The following BCOR variants were observed in gnomAD, a reference collection of about 807,000 sequenced individuals.
The protein encoded by BCOR is BCL6 corepressor.
In BCOR, 10 loss-of-function variants were observed where a neutral mutation model predicts 86.7. That is an observed-to-expected ratio of 0.12 (90% CI 0.07 to 0.20). The LOEUF (loss-of-function observed/expected upper bound fraction) is 0.20, where lower values mean the gene tolerates loss of function less well. BCOR is among the 10% of genes least tolerant of loss of function. BCOR has a pLI of 1.00. For synonymous variants in BCOR, 611 were observed against 609.0 expected (o/e 1.00, Z -0.05); for missense variants, 1,259 against 1,452.1 (o/e 0.87, Z 2.16).
Position 40,052,405 on chromosome X carries a change from A to C in BCOR, c.4977-5T>G. The C allele has an allele frequency of 6.6e-6, 8 of 1,208,682 alleles. No individual in the cohort carries two copies. Among genetic ancestry groups the C allele is most frequent in the Non-Finnish European group, 9.0e-6 (8 of 892,932 alleles). On this transcript the variant is annotated splice_polypyrimidine_tract_variant and splice_region_variant and intron_variant, in intron 14 of 14. Coordinates refer to ENST00000378444, the MANE Select transcript of BCOR (RefSeq NM_001123385.2). ...AGCAGTAGCCAGTTTCGTGGCCTACAAAACAGAAAGGAAAATGCTTTGAGT... is the reference window on the plus strand; with the variant it reads ...AGCAGTAGCCAGTTTCGTGGCCTACCAAACAGAAAGGAAAATGCTTTGAGT...
intron 6 of BCOR, among the ~76,000 whole-genome samples, chrX:40,067,075 G>T (rs987346109): frequency 8.1e-5 from 9 of 111,760 alleles, no homozygotes; most frequent in African/African-American, 2.9e-4. Flanking sequence ...CTTTCTCAGG[G>T]AGAAAGTTTT....
At chrX:40,165,248 T>C (rs929208321) in intron 1 of BCOR, among the ~76,000 whole-genome samples, 1 of 111,229 alleles carries the variant, frequency 9.0e-6, no homozygotes, top group Non-Finnish European at 1.9e-5. Flanking sequence ...CCAGAAGGAA[T>C]AGCAAAGAGA....
At chrX:40,115,776 CAAAA>C (rs745934686) in intron 1 of BCOR, among the ~76,000 whole-genome samples, 1 of 51,120 alleles carries the variant, frequency 2.0e-5, no homozygotes. Flanking sequence ...GACTGTGTCT[CAAAA>C]AAAAAAAAAA....
chrX:40,081,574 G>A (rs988781151), intron 1 of BCOR, among the ~76,000 whole-genome samples: 35 of 111,927 alleles, frequency 3.1e-4, no homozygotes, highest in Non-Finnish European at 4.3e-4. Context: ...GATGAAGCTC[G>A]TTTGCTTTTA....
chrX:40,080,911 AG>A (rs1227389892), intron 1 of BCOR, among the ~76,000 whole-genome samples: 2 of 104,240 alleles, frequency 1.9e-5, no homozygotes, highest in African/African-American at 7.0e-5. Context: ...TAAAAGCAAA[AG>A]GGGGGAACAC....
chrX:40,062,419 C>T (rs1472240741), intron 9 of BCOR, 26 bp from the exon 10 acceptor site: 5 of 1,189,625 alleles, frequency 4.2e-6, no homozygotes, highest in South Asian at 1.8e-5. Context: ...GCAGCGCACA[C>T]GGTTAAGCCC....
At position 40,074,240 on chromosome X, in the gene BCOR, G is replaced by A. The variant is rs2147252234; in HGVS notation, c.1106C>T (p.Ser369Leu). ...KHYARISTSP[S>L]VALSKPYMTV... ...CATGTATGGCTTTGACAGGGCAACT[G>A]AAGGAGAGGTGGAGATCCTGGCATA... The change falls in exon 4 of 15, where the codon TCA becomes TTA. Residue 369 changes from serine to leucine, a missense_variant. Ser to Leu is a moderately radical substitution (Grantham distance 145). Coordinates refer to ENST00000378444, the MANE Select transcript of BCOR (RefSeq NM_001123385.2). 8.2e-7 allele frequency: 1 copy of A among 1,212,271 alleles called. No individual in the cohort carries two copies. The highest frequency in any genetic ancestry group is 1.1e-6 in the Non-Finnish European group (1 of 895,587).
chrX:40,072,061 G>T lies in BCOR; in HGVS notation c.2997+288C>A, dbSNP rs769898078. On this transcript the variant is annotated intron_variant, in intron 4 of 14. Coordinates refer to ENST00000378444, the MANE Select transcript of BCOR (RefSeq NM_001123385.2). ...GCAGAGAAATCAAAGCAATTGATAGGTAAACGTCATGCAGTCTTTAGATAC... is the reference window on the plus strand; with the variant it reads ...GCAGAGAAATCAAAGCAATTGATAGTTAAACGTCATGCAGTCTTTAGATAC... 7.3e-6 allele frequency: 3 copies of T among 411,471 alleles called. No individual in the cohort carries two copies. In the South Asian group the frequency reaches 1.1e-4, roughly 15 times the overall value. 33.9% of individuals were successfully genotyped at this position (411,471 alleles called of 1,213,427 possible).
chrX:40,091,833 AAC>A (rs1386417919), intron 1 of BCOR, among the ~76,000 whole-genome samples: 1 of 112,803 alleles, frequency 8.9e-6, no homozygotes, highest in Non-Finnish European at 1.9e-5. Context: ...GTCGGCCATA[AAC>A]ACTGGCAAAG....
At chrX:40,082,066 C>G (rs758632898) in intron 1 of BCOR, among the ~76,000 whole-genome samples, 2 of 112,492 alleles carry the variant, frequency 1.8e-5, no homozygotes, top group Admixed American at 9.3e-5. Context: ...GAGCTTGGCC[C>G]GGACACGGGG....
intron 1 of BCOR, among the ~76,000 whole-genome samples, chrX:40,144,122 AT>A (rs1555937261): frequency 0.03 from 1 of 33 alleles, no homozygotes; most frequent in Non-Finnish European, 0.053. Flanking sequence ...AGACTGCAGT[AT>A]CAGGTGGCAG....
At position 40,063,622 on chromosome X, in the gene BCOR, C is replaced by G. The variant is rs1381182530; in HGVS notation, c.3833G>C (p.Ser1278Thr). Residue 1278 changes from serine (S) to threonine (T), a missense_variant, in exon 8 of 15, where the codon AGT becomes ACT. This residue lies in a region of BCOR where 305 missense variants were observed against 286.1 expected (regional missense o/e 1.07). Coordinates refer to ENST00000378444, the MANE Select transcript of BCOR (RefSeq NM_001123385.2). ...CCCCCGCATACCTTGTTCATTGTCACTGGGTTTAAGAGACTCTTCCGACCA... is the reference window on the plus strand; with the variant it reads ...CCCCCGCATACCTTGTTCATTGTCAGTGGGTTTAAGAGACTCTTCCGACCA... ...RSWSEESLKP[S>T]DNEQGLPVFS... The G allele has an allele frequency of 8.3e-7, 1 of 1,209,734 alleles. No individual in the cohort carries two copies. Among genetic ancestry groups the G allele is most frequent in the Non-Finnish European group, 1.1e-6 (1 of 894,525 alleles).
At chrX:40,157,422 C>T (rs1938320341) in intron 1 of BCOR, among the ~76,000 whole-genome samples, 1 of 112,244 alleles carries the variant, frequency 8.9e-6, no homozygotes, top group Non-Finnish European at 1.9e-5. Flanking sequence ...GAAGTAAAGG[C>T]TGGTGTGGCT....
In BCOR at chrX:40,062,977, G is replaced by A. The variant is rs1934974388; in HGVS notation, c.3942C>T (p.Ala1314=). 1 of 1,186,044 alleles carries A rather than the reference G, an allele frequency of 8.4e-7. No individual in the cohort carries two copies. Among genetic ancestry groups the A allele is most frequent in the East Asian group, 3.1e-5 (1 of 32,593 alleles). The change falls in exon 9 of 15, where the codon GCC becomes GCT. Residue 1314 remains alanine, a synonymous_variant. Coordinates refer to ENST00000378444, the MANE Select transcript of BCOR (RefSeq NM_001123385.2). ...TCTGCTGTTTGGCAGGCGGCCTGGA[G>A]GCTGGTGCGCAGCTTGGCTGAGCCT... The part of the protein sequence containing the change: ...KKQAQPSCAP[A]SRPPAKQQKI...
In BCOR at chrX:40,063,545, C is replaced by CAG. The variant is rs1179854829; in HGVS notation, c.3847+61_3847+62dup. On this transcript the variant is annotated intron_variant, in intron 8 of 14. Coordinates refer to ENST00000378444, the MANE Select transcript of BCOR (RefSeq NM_001123385.2). ...AGATCTCCTCAAAAGCCCTTTCCTA[C>CAG]AGAGAGTGGATGACCCACCCTCCAG... is the stretch of plus-strand genomic sequence containing the variant. The CAG allele has an allele frequency of 4.2e-6, 4 of 961,256 alleles. No homozygotes were observed. The African/African-American group carries it at 7.7e-5, about 18-fold the overall frequency. The allele number at this position is 961,256 out of a possible 1,213,427, so 79.2% of individuals were successfully genotyped here.
rs772056276 is a variant in BCOR, at chrX:40,054,351, TA to T, written c.4742-19del. 2 of 1,166,376 alleles carry T rather than the reference TA, an allele frequency of 1.7e-6. No homozygotes were observed. The highest frequency in any genetic ancestry group is 1.2e-6 in the Non-Finnish European group (1 of 857,799). On this transcript the variant is annotated intron_variant, in intron 12 of 14. Transcript: ENST00000378444. ...TAAATAATCTGGAGGGAGAGAAAAATAAAAAAACAAGATAAAATCTACTGCT... is the reference window on the plus strand; with the variant it reads ...TAAATAATCTGGAGGGAGAGAAAAATAAAAAACAAGATAAAATCTACTGCT...
intron 1 of BCOR, among the ~76,000 whole-genome samples, chrX:40,158,419 C>A (rs1341956230): frequency 8.9e-6 from 1 of 112,220 alleles, no homozygotes; most frequent in East Asian, 2.8e-4. Context: ...CGCGGGCGTT[C>A]CCGGGCTGCC....
chrX:40,068,834 C>T (rs777285503), intron 6 of BCOR, among the ~76,000 whole-genome samples: 29 of 112,725 alleles, frequency 2.6e-4, no homozygotes, highest in African/African-American at 9.0e-4. Context: ...CGGTGTTGTC[C>T]AGTTAATTCA....
At chrX:40,106,195 C>A (rs1485953152) in intron 1 of BCOR, among the ~76,000 whole-genome samples, 3 of 112,005 alleles carry the variant, frequency 2.7e-5, no homozygotes, top group Admixed American at 9.3e-5. Context: ...ACCCACCCCC[C>A]ACCTCCGTCC....
Sources: allele counts gnomAD v4.1 joint callset (sites outside exome capture counted in the v4.1 genomes callset), GRCh38; gene constraint gnomAD v4.1.1; regional missense constraint gnomAD v4.1.1; transcripts MANE v1.5; gene names NCBI Gene and HGNC (gene_info 2026-07-23, HGNC 2026-07-21).